DOCK2: variants seen among roughly 807,000 people sequenced by gnomAD.
DOCK2 encodes dedicator of cytokinesis 2.
In DOCK2, 87 loss-of-function variants were observed where a neutral mutation model predicts 248.9. The observed-to-expected ratio is 0.35, with a 90% CI of 0.29 to 0.42. The LOEUF (loss-of-function observed/expected upper bound fraction) is 0.42. DOCK2 is among the 10% of genes least tolerant of loss of function. The pLI, the probability that DOCK2 is intolerant of heterozygous loss-of-function variation, is 1.00. For missense variants in DOCK2, 1,747 were observed against 2,300.2 expected, an observed-to-expected ratio of 0.76 and a Z score of 4.92; for synonymous variants, 805 against 821.6, an observed-to-expected ratio of 0.98 and a Z score of 0.35.
chr5:169,985,041 G>T lies in DOCK2; in HGVS notation c.2899-787G>T, dbSNP rs546225345. On this transcript the variant is annotated intron_variant, in intron 28 of 51. Coordinates refer to ENST00000520908, the MANE Select transcript of DOCK2 (RefSeq NM_004946.3). The stretch of plus-strand genomic sequence containing the variant: ...TCAAGTTATTCTGCCACAGCCTCCC[G>T]AGTAGCTGGGATTACAGTGTCTGCC... Among the ~76,000 whole-genome samples the T allele has an allele frequency of 2.0e-5, 3 of 152,140 alleles. No homozygotes were observed. The East Asian group carries it at 5.8e-4, about 29-fold the overall frequency.
rs80346483 is a variant in DOCK2, at chr5:169,675,895, T to A, written c.470+1450T>A. 8.4e-4 allele frequency among the ~76,000 whole-genome samples: 128 copies of A among 152,368 alleles called. 1 individual carries two copies. In the East Asian group the frequency reaches 0.025, roughly 29 times the overall value. On this transcript the variant is annotated intron_variant, in intron 6 of 51. Transcript: ENST00000520908. ...CCCAGGAACACAGTCCCTCTGCTGA[T>A]GCCCCATTGGCATCTGGCAAGCGTG...
At chr5:169,685,132 C>T (rs1034801619) in intron 8 of DOCK2, among the ~76,000 whole-genome samples, 7 of 152,174 alleles carry the variant, frequency 4.6e-5, no homozygotes, top group Admixed American at 1.3e-4. Flanking sequence ...CTGCATAATG[C>T]GAGTGCTGAC....
intron 38 of DOCK2, among the ~76,000 whole-genome samples, chr5:170,044,506 T>TAACCCA (rs1756629987): frequency 6.6e-6 from 1 of 152,104 alleles, no homozygotes. Flanking sequence ...GAGCGTTTCT[T>TAACCCA]TTCCCTGTTC....
At chr5:169,866,552 C>A (rs887416975) in intron 27 of DOCK2, among the ~76,000 whole-genome samples, 1 of 152,236 alleles carries the variant, frequency 6.6e-6, no homozygotes, top group Admixed American at 6.5e-5. Context: ...TTCTTTGTGG[C>A]AGGCCCTGTT....
chr5:169,675,149 G>A (rs1759260006), intron 6 of DOCK2, among the ~76,000 whole-genome samples: 1 of 152,328 alleles, frequency 6.6e-6, no homozygotes, highest in South Asian at 2.1e-4. Flanking sequence ...CAGTAGGGTA[G>A]GTAACTTGTC....
At chr5:169,704,780 T>A (rs993335220) in intron 14 of DOCK2, among the ~76,000 whole-genome samples, 7 of 144,856 alleles carry the variant, frequency 4.8e-5, no homozygotes, top group African/African-American at 1.3e-4. Flanking sequence ...TGTGTGTGTG[T>A]GTGTGTGTGT....
At chr5:170,054,580 C>T (rs1399611403) in intron 41 of DOCK2, among the ~76,000 whole-genome samples, 3 of 152,232 alleles carry the variant, frequency 2.0e-5, no homozygotes, top group East Asian at 1.9e-4. Flanking sequence ...CTGCCATAGG[C>T]AGTTGCTTTC....
intron 17 of DOCK2, among the ~76,000 whole-genome samples, chr5:169,713,467 A>G (rs1000671488): frequency 3.9e-5 from 6 of 152,118 alleles, no homozygotes; most frequent in African/African-American, 1.4e-4. Flanking sequence ...TCACTCTGCT[A>G]TGTATTCTAT....
intron 9 of DOCK2, among the ~76,000 whole-genome samples, chr5:169,690,533 G>C (rs917026331): frequency 6.6e-6 from 1 of 152,226 alleles, no homozygotes; most frequent in Non-Finnish European, 1.5e-5. Context: ...CATGGAATGG[G>C]ATCATAGGTC....
intron 1 of DOCK2, among the ~76,000 whole-genome samples, chr5:169,649,473 T>C (rs1194027999): frequency 6.6e-6 from 1 of 152,236 alleles, no homozygotes; most frequent in African/African-American, 2.4e-5. Flanking sequence ...TCTTAAAAGT[T>C]CAATAAACAT....
intron 38 of DOCK2, among the ~76,000 whole-genome samples, chr5:170,044,945 C>T (rs780921599): frequency 2.0e-5 from 3 of 152,106 alleles, no homozygotes; most frequent in African/African-American, 4.8e-5. Flanking sequence ...CTCTGCAGAC[C>T]GTCCTGACCT....
At chr5:169,855,993 G>GA (rs1561767568) in intron 27 of DOCK2, among the ~76,000 whole-genome samples, 10 of 152,142 alleles carry the variant, frequency 6.6e-5, no homozygotes, top group Non-Finnish European at 1.5e-4. Flanking sequence ...CATGGCAGCA[G>GA]GAGAGAGAGA....
At chr5:169,793,047 G>A (rs1255261263) in intron 25 of DOCK2, among the ~76,000 whole-genome samples, 1 of 152,176 alleles carries the variant, frequency 6.6e-6, no homozygotes, top group African/African-American at 2.4e-5. Context: ...CGTGATGATA[G>A]GCTATCTCAG....
chr5:169,721,892 G>A (rs1420522191), intron 22 of DOCK2, among the ~76,000 whole-genome samples: 2 of 152,234 alleles, frequency 1.3e-5, no homozygotes, highest in Non-Finnish European at 2.9e-5. Flanking sequence ...CTCGCTTCTT[G>A]TGTCACTAGC....
intron 25 of DOCK2, among the ~76,000 whole-genome samples, chr5:169,802,621 T>C (rs1174158123): frequency 6.6e-6 from 1 of 152,122 alleles, no homozygotes; most frequent in Non-Finnish European, 1.5e-5. Flanking sequence ...TACATCATGG[T>C]CCCCTTGTAT....
chr5:169,864,782 T>A (rs188452895), intron 27 of DOCK2, among the ~76,000 whole-genome samples: 52 of 152,308 alleles, frequency 3.4e-4, no homozygotes, highest in Non-Finnish European at 6.2e-4. Context: ...GTGTTATGCA[T>A]GAAAACTGTC....
chr5:169,686,755 G>A (rs191918694), intron 8 of DOCK2, among the ~76,000 whole-genome samples: 6 of 152,322 alleles, frequency 3.9e-5, no homozygotes, highest in African/African-American at 1.4e-4. Flanking sequence ...TAGGATCGAT[G>A]TTTTAATGTT....
intron 29 of DOCK2, among the ~76,000 whole-genome samples, chr5:169,993,014 AT>A (rs1001139199): frequency 1.3e-5 from 2 of 152,162 alleles, no homozygotes; most frequent in African/African-American, 4.8e-5. Context: ...AACCAAAATA[AT>A]GACTGTTACT....
intron 22 of DOCK2, among the ~76,000 whole-genome samples, chr5:169,737,132 C>T (rs1019262397): frequency 6.6e-6 from 1 of 152,140 alleles, no homozygotes; most frequent in Non-Finnish European, 1.5e-5. Flanking sequence ...GAATACTTCT[C>T]TGAGGAAGTA....
Sources: allele counts gnomAD v4.1 joint callset (sites outside exome capture counted in the v4.1 genomes callset), GRCh38; gene constraint gnomAD v4.1.1; transcripts MANE v1.5; gene names NCBI Gene and HGNC (gene_info 2026-07-23, HGNC 2026-07-21).